Variants in RAB3C observed in about 807,000 individuals in gnomAD.
The protein encoded by RAB3C is ras-related protein Rab-3C.
In RAB3C, 17 loss-of-function variants were observed where a neutral mutation model predicts 26.4. The observed-to-expected ratio is 0.64, with a 90% CI of 0.44 to 0.97. The LOEUF (loss-of-function observed/expected upper bound fraction) is 0.97. Ranked by LOEUF, RAB3C falls within the 50% of genes least tolerant of loss-of-function variation. The probability of loss-of-function intolerance (pLI) is 0.00; values close to 1 mark genes in which losing one functional copy is unlikely to be tolerated. For synonymous variants in RAB3C, 91 were observed against 95.9 expected, an observed-to-expected ratio of 0.95 and a Z score of 0.30; for missense variants, 242 against 281.9, an observed-to-expected ratio of 0.86 and a Z score of 1.01.
intron 1 of RAB3C, among the ~76,000 whole-genome samples, chr5:58,605,275 A>C (rs1340515166): frequency 6.6e-6 from 1 of 152,062 alleles, no homozygotes; most frequent in Non-Finnish European, 1.5e-5. Context: ...TTCACAGTGC[A>C]AGCCTCCATA....
In RAB3C at chr5:58,844,523, C is replaced by T. The variant is rs556382009; in HGVS notation, c.497-6641C>T. 6.2e-4 allele frequency among the ~76,000 whole-genome samples: 95 copies of T among 152,314 alleles called. No homozygotes were observed. The South Asian group carries it at 0.015, about 24-fold the overall frequency. On this transcript the variant is annotated intron_variant, in intron 4 of 4. Coordinates refer to ENST00000282878, the MANE Select transcript of RAB3C (RefSeq NM_138453.4). Reference sequence around the variant, plus strand: ...CTCTGGGCTGGGGCCCAGTAGAGGACGAGCTAATATGCCAGTTTGTCCTGC... The same window carrying T: ...CTCTGGGCTGGGGCCCAGTAGAGGATGAGCTAATATGCCAGTTTGTCCTGC...
At chr5:58,823,910 G>A (rs1160973236) in intron 3 of RAB3C, among the ~76,000 whole-genome samples, 3 of 126,282 alleles carry the variant, frequency 2.4e-5, no homozygotes, top group Non-Finnish European at 4.7e-5. Context: ...AGAGTGTGAT[G>A]TTCCCCTTCC....
At chr5:58,801,191 A>G (rs1742800729) in intron 3 of RAB3C, among the ~76,000 whole-genome samples, 1 of 152,168 alleles carries the variant, frequency 6.6e-6, no homozygotes, top group Non-Finnish European at 1.5e-5. Flanking sequence ...GATACAAGCC[A>G]TTGAGGAACT....
chr5:58,785,140 T>C (rs1331142318), intron 3 of RAB3C, among the ~76,000 whole-genome samples: 1 of 152,222 alleles, frequency 6.6e-6, no homozygotes, highest in Non-Finnish European at 1.5e-5. Flanking sequence ...TCTGAAAACC[T>C]AGGATTTAGG....
chr5:58,627,188 C>G (rs1203224386), intron 2 of RAB3C, among the ~76,000 whole-genome samples: 3 of 152,176 alleles, frequency 2.0e-5, no homozygotes, highest in African/African-American at 7.2e-5. Flanking sequence ...AGCTGTAATT[C>G]ACCTATTGGG....
chr5:58,687,965 T>A (rs1748481149), intron 2 of RAB3C, among the ~76,000 whole-genome samples: 1 of 152,116 alleles, frequency 6.6e-6, no homozygotes, highest in African/African-American at 2.4e-5. Context: ...TCAACCTCCA[T>A]TAACCATCTT....
At chr5:58,743,982 A>C (rs1236136196) in intron 3 of RAB3C, among the ~76,000 whole-genome samples, 2 of 152,178 alleles carry the variant, frequency 1.3e-5, no homozygotes, top group African/African-American at 4.8e-5. Context: ...CAATACATTA[A>C]AATTTGGACT....
intron 2 of RAB3C, among the ~76,000 whole-genome samples, chr5:58,683,334 G>A (rs931974988): frequency 3.3e-5 from 5 of 151,930 alleles, no homozygotes; most frequent in Non-Finnish European, 7.4e-5. Flanking sequence ...CTCCTGGTCT[G>A]CAATTCTTTT....
intron 2 of RAB3C, among the ~76,000 whole-genome samples, chr5:58,620,081 TA>T (rs542977247): frequency 2.4e-4 from 35 of 147,992 alleles, no homozygotes; most frequent in South Asian, 6.4e-4. Flanking sequence ...AGTTTCTTAT[TA>T]AAAAAAAAAC....
At chr5:58,836,237 A>C (rs918280130) in intron 4 of RAB3C, among the ~76,000 whole-genome samples, 1 of 127,664 alleles carries the variant, frequency 7.8e-6, no homozygotes, top group Non-Finnish European at 1.6e-5. Flanking sequence ...GTTCACTCAT[A>C]TATTTCTTTA....
chr5:58,742,154 T>C (rs1301956111), intron 3 of RAB3C, among the ~76,000 whole-genome samples: 2 of 152,154 alleles, frequency 1.3e-5, no homozygotes, highest in African/African-American at 4.8e-5. Context: ...CTGTCTCCCC[T>C]GGCCCTCTCA....
chr5:58,776,816 T>C (rs1465259594), intron 3 of RAB3C, among the ~76,000 whole-genome samples: 2 of 152,098 alleles, frequency 1.3e-5, no homozygotes, highest in Non-Finnish European at 2.9e-5. Flanking sequence ...CATCCTGTGA[T>C]GTGGCCATTG....
At chr5:58,630,193 A>G (rs1747160406) in intron 2 of RAB3C, among the ~76,000 whole-genome samples, 1 of 152,254 alleles carries the variant, frequency 6.6e-6, no homozygotes, top group Non-Finnish European at 1.5e-5. Flanking sequence ...TTAATTTTCT[A>G]TAAAATAAGG....
intron 4 of RAB3C, among the ~76,000 whole-genome samples, chr5:58,830,936 C>G (rs1214795764): frequency 6.6e-6 from 1 of 151,952 alleles, no homozygotes; most frequent in East Asian, 1.9e-4. Flanking sequence ...GCAATAGTAG[C>G]ATGATCATAG....
intron 3 of RAB3C, among the ~76,000 whole-genome samples, chr5:58,777,516 T>A (rs1742170088): frequency 6.6e-6 from 1 of 152,110 alleles, no homozygotes; most frequent in South Asian, 2.1e-4. Flanking sequence ...CTATAACATC[T>A]TGGCACATTT....
chr5:58,831,941 C>G (rs1024102403), intron 4 of RAB3C, among the ~76,000 whole-genome samples: 1 of 152,184 alleles, frequency 6.6e-6, no homozygotes, highest in Admixed American at 6.5e-5. Flanking sequence ...ATTGGAATCT[C>G]TGGGCTGGGA....
chr5:58,698,598 T>C (rs1187099769), intron 2 of RAB3C, among the ~76,000 whole-genome samples: 1 of 152,206 alleles, frequency 6.6e-6, no homozygotes, highest in African/African-American at 2.4e-5. Context: ...CATAGTCCCA[T>C]ATTTCTTGGA....
At chr5:58,661,628 C>G (rs1315537236) in intron 2 of RAB3C, among the ~76,000 whole-genome samples, 1 of 146,508 alleles carries the variant, frequency 6.8e-6, no homozygotes, top group Non-Finnish European at 1.5e-5. Context: ...CAATTGATGA[C>G]CTGCCTGTAT....
At chr5:58,698,369 A>C (rs938065648) in intron 2 of RAB3C, among the ~76,000 whole-genome samples, 33 of 151,956 alleles carry the variant, frequency 2.2e-4, no homozygotes, top group Non-Finnish European at 3.8e-4. Flanking sequence ...TTTTTCCTTC[A>C]TTTCAACCTT....
Sources: allele counts gnomAD v4.1 joint callset (sites outside exome capture counted in the v4.1 genomes callset), GRCh38; gene constraint gnomAD v4.1.1; transcripts MANE v1.5; gene names NCBI Gene and HGNC (gene_info 2026-07-23, HGNC 2026-07-21).